FTCD: variants seen among roughly 807,000 people sequenced by gnomAD.
FTCD encodes the protein formimidoyltransferase cyclodeaminase.
FTCD carries 76 observed loss-of-function variants against 62.9 expected under a neutral mutation model. The ratio of observed to expected loss-of-function variants is 1.21; its 90% CI spans 1.00 to 1.46. FTCD has a LOEUF of 1.46. Among genes scored for constraint, FTCD ranks in the 40% most tolerant of loss-of-function variants. The pLI, the probability that FTCD is intolerant of heterozygous loss-of-function variation, is 0.00. For synonymous variants in FTCD, 397 were observed against 336.9 expected, an observed-to-expected ratio of 1.18 and a Z score of -1.95; for missense variants, 845 against 751.3, an observed-to-expected ratio of 1.12 and a Z score of -1.46.
chr21:46,154,077 C>G, intron 2 of FTCD, 72 bp downstream of exon 2: 1 of 1,520,848 alleles, frequency 6.6e-7, no homozygotes, highest in Non-Finnish European at 9.1e-7. Context: ...CCCCCTCTCC[C>G]AGGACACCAG....
Position 46,151,910 on chromosome 21 carries a change from G to A in FTCD, c.438C>T (p.Tyr146=), listed in dbSNP as rs563175425. The change falls in exon 4 of 14, where the codon TAC becomes TAT. Residue 146 remains tyrosine (Y), a synonymous_variant. Transcript: ENST00000397746. ...GGGGCACCTTCTTAGGGAGGGCCTCGTACTCCCCGGCCCGGATGGCCGGCA... is the reference window on the plus strand; with the variant it reads ...GGGGCACCTTCTTAGGGAGGGCCTCATACTCCCCGGCCCGGATGGCCGGCA... ...RTLPAIRAGE[Y]EALPKKLQQA... is the part of the protein sequence containing the mutation. 65 of 1,565,132 alleles carry A rather than the reference G, an allele frequency of 4.2e-5. No individual in the cohort carries two copies. Among genetic ancestry groups the A allele is most frequent in the Admixed American group, 1.5e-4 (8 of 52,816 alleles).
Position 46,136,944 on chromosome 21 carries a change from G to A in FTCD, c.*43C>T. On this transcript the variant is annotated 3_prime_UTR_variant, in exon 14 of 14. Transcript: ENST00000397746. ...GTCACAGCTCTGCCCTCTGGGGATG[G>A]GCGAGGGAGGGGCCACAGAGCCCGG... 6.2e-7 allele frequency: 1 copy of A among 1,612,218 alleles called. No homozygotes were observed. The highest frequency in any genetic ancestry group is 8.5e-7 in the Non-Finnish European group (1 of 1,179,726).
At chr21:46,141,492 T>C (rs1373898905) in intron 10 of FTCD, among the ~76,000 whole-genome samples, 1 of 152,188 alleles carries the variant, frequency 6.6e-6, no homozygotes, top group Non-Finnish European at 1.5e-5. Context: ...TTCAAATGCC[T>C]GTCCGGGTCT....
chr21:46,147,942 CAAAAAAAAAAAA>C (rs3057182), intron 7 of FTCD, among the ~76,000 whole-genome samples: 1 of 96,178 alleles, frequency 1.0e-5, no homozygotes, highest in Non-Finnish European at 2.1e-5. Context: ...GGCTCCATCT[CAAAAAAAAAAAA>C]AAAAAAGAAG....
At position 46,153,016 on chromosome 21, in the gene FTCD, C is replaced by T. The variant is rs2123576803; in HGVS notation, c.258G>A (p.Gly86=). ...SRHQGEHPRM[G]ALDVCPFIPV... ...GGATGAAGGGGCAGACGTCTAGGGCCCCCATGCGGGGGTGCTCTCCTGCAG... is the reference window on the plus strand; with the variant it reads ...GGATGAAGGGGCAGACGTCTAGGGCTCCCATGCGGGGGTGCTCTCCTGCAG... Residue 86 remains glycine, a synonymous_variant, in exon 3 of 14, where the codon GGG becomes GGA. Coordinates refer to ENST00000397746, the MANE Select transcript of FTCD (RefSeq NM_206965.2). 1 of 1,549,600 alleles carries T rather than the reference C, an allele frequency of 6.5e-7. No homozygotes were observed. The highest frequency in any genetic ancestry group is 8.7e-7 in the Non-Finnish European group (1 of 1,146,912).
chr21:46,139,327 G>A (rs1464372020), intron 10 of FTCD, among the ~76,000 whole-genome samples: 4 of 152,198 alleles, frequency 2.6e-5, no homozygotes, highest in African/African-American at 4.8e-5. Flanking sequence ...CTGTGCAGAA[G>A]GACCAAGAGC....
intron 3 of FTCD, chr21:46,152,252 G>C (rs747279234): frequency 2.3e-6 from 1 of 442,738 alleles, no homozygotes; most frequent in Non-Finnish European, 4.0e-6. Flanking sequence ...ACATGCTAAC[G>C]GCAGGACGTT....
intron 10 of FTCD, chr21:46,142,164 A>T (rs1367443072): frequency 2.6e-5 from 4 of 152,302 alleles, no homozygotes; most frequent in African/African-American, 7.2e-5. Context: ...CCCTGCAAAC[A>T]GTGTGTCCGG....
intron 10 of FTCD, among the ~76,000 whole-genome samples, chr21:46,140,939 G>T (rs1040418889): frequency 2.4e-4 from 37 of 152,224 alleles, no homozygotes; most frequent in African/African-American, 8.7e-4. Context: ...TGGCTCACAG[G>T]GAGCGTAAAC....
intron 11 of FTCD, 21 bp downstream of exon 11, chr21:46,138,859 C>A: frequency 6.2e-7 from 1 of 1,600,564 alleles, no homozygotes; most frequent in Non-Finnish European, 8.6e-7. Flanking sequence ...GCCCACGGTG[C>A]GGCCGGCCCT....
In FTCD at chr21:46,146,323, AC is replaced by A. The variant is rs2079146874; in HGVS notation, c.910del (p.Val304Ter). ...LEEEQRIRLV[V>X]SRLGLDSLCP... ...CAGGGAGTCCAGGCCCAGCCGGCTC[AC>A]CACCTGGAAAAGGGGCTTGGAGTGG... On this transcript the variant is annotated frameshift_variant, in exon 8 of 14. Transcript: ENST00000397746. LOFTEE classifies it high-confidence loss of function. 1 of 1,599,812 alleles carries A rather than the reference AC, an allele frequency of 6.3e-7. No individual in the cohort carries two copies. The highest frequency in any genetic ancestry group is 1.1e-5 in the South Asian group (1 of 88,924).
intron 7 of FTCD, among the ~76,000 whole-genome samples, chr21:46,147,231 C>T (rs372148187): frequency 1.3e-5 from 2 of 151,998 alleles, no homozygotes; most frequent in African/African-American, 2.4e-5. Flanking sequence ...AACAGCCACC[C>T]GCCAGAGGAA....
chr21:46,154,126 A>G (rs535244098), intron 2 of FTCD, 23 bp downstream of exon 2: 2 of 1,610,952 alleles, frequency 1.2e-6, no homozygotes, highest in East Asian at 2.2e-5. Flanking sequence ...CACGGCAGCC[A>G]CAGGAGAGCC....
At chr21:46,151,516 A>G (rs1385609334) in intron 5 of FTCD, 42 bp downstream of exon 5, 1 of 1,561,184 alleles carries the variant, frequency 6.4e-7, no homozygotes, top group Non-Finnish European at 8.8e-7. Context: ...CCCTTTCCCG[A>G]GGGGCTGGGT....
At chr21:46,143,768 A>C (rs1358759292) in intron 10 of FTCD, among the ~76,000 whole-genome samples, 1 of 152,320 alleles carries the variant, frequency 6.6e-6, no homozygotes, top group Non-Finnish European at 1.5e-5. Flanking sequence ...TCAGTGCCAA[A>C]GAAAAGCATC....
chr21:46,145,368 G>A (rs1201369206), intron 10 of FTCD, 49 bp downstream of exon 10: 9 of 1,472,172 alleles, frequency 6.1e-6, no homozygotes, highest in Non-Finnish European at 7.3e-6. Context: ...CCCAGCTGGG[G>A]GTTCGCTGTT....
At chr21:46,141,587 A>G (rs1375810343) in intron 10 of FTCD, among the ~76,000 whole-genome samples, 2 of 152,200 alleles carry the variant, frequency 1.3e-5, no homozygotes, top group South Asian at 2.1e-4. Context: ...CCCAAAAAAT[A>G]TAAAGTCAGG....
intron 7 of FTCD, 116 bp from the exon 8 acceptor site, chr21:46,146,443 G>A: frequency 6.6e-6 from 5 of 752,414 alleles, no homozygotes; most frequent in Non-Finnish European, 1.2e-5. Context: ...GCACACAGGT[G>A]CTTTTGCGGG....
At chr21:46,141,625 AAG>A (rs1282481517) in intron 10 of FTCD, among the ~76,000 whole-genome samples, 4 of 152,002 alleles carry the variant, frequency 2.6e-5, no homozygotes, top group Non-Finnish European at 4.4e-5. Flanking sequence ...CATAAAGATT[AAG>A]AGTCATTGTC....
Sources: gnomAD v4.1 joint callset for allele counts (sites outside exome capture counted in the v4.1 genomes callset) on GRCh38, gnomAD v4.1.1 for gene constraint, MANE v1.5 for transcripts, NCBI Gene and HGNC (gene_info 2026-07-23, HGNC 2026-07-21) for gene names.